Variants in DMD observed in about 807,000 individuals in gnomAD.
DMD encodes the protein dystrophin.
Under a neutral mutation model 330.1 loss-of-function variants are expected in DMD, and 63 were observed. The ratio of observed to expected loss-of-function variants is 0.19; its 90% CI spans 0.16 to 0.24. The LOEUF (loss-of-function observed/expected upper bound fraction) is 0.24, where lower values mean the gene tolerates loss of function less well. Ranked by LOEUF, DMD falls within the 10% of genes least tolerant of loss-of-function variation. DMD has a pLI of 1.00. For synonymous variants in DMD, 1,223 were observed against 959.8 expected (o/e 1.27, Z -5.07); for missense variants, 3,344 against 2,684.1 (o/e 1.25, Z -5.43).
At chrX:31,738,536 A>C (rs1348334081) in intron 51 of DMD, among the ~76,000 whole-genome samples, 1 of 112,339 alleles carries the variant, frequency 8.9e-6, no homozygotes, top group Non-Finnish European at 1.9e-5. Context: ...AAAAACTAAA[A>C]ATAGAGCTAC....
intron 30 of DMD, among the ~76,000 whole-genome samples, chrX:32,401,243 A>T (rs1388075866): frequency 9.2e-6 from 1 of 108,753 alleles, no homozygotes; most frequent in African/African-American, 3.4e-5. Flanking sequence ...ATGACGAGTT[A>T]GTGGGTGCAG....
chrX:31,757,510 G>T (rs2089214068), intron 51 of DMD, among the ~76,000 whole-genome samples: 1 of 111,414 alleles, frequency 9.0e-6, no homozygotes, highest in South Asian at 3.8e-4. Context: ...AGAATTTATT[G>T]CTTATAGTTC....
chrX:31,861,634 T>C (rs2093700300), intron 48 of DMD, among the ~76,000 whole-genome samples: 1 of 67,355 alleles, frequency 1.5e-5, no homozygotes. Context: ...CAGAAAATAA[T>C]CACCTGTGTG....
chrX:32,101,972 G>A (rs991537984), intron 44 of DMD: 2 of 110,205 alleles, frequency 1.8e-5, no homozygotes. Context: ...AGAGAGACAT[G>A]AACACATTAG....
intron 41 of DMD, among the ~76,000 whole-genome samples, chrX:32,335,404 C>CAT (rs1193332733): frequency 3.9e-5 from 4 of 102,912 alleles, no homozygotes; most frequent in South Asian, 4.1e-4. Flanking sequence ...ATATATATAA[C>CAT]ATATATATAT....
chrX:32,945,908 T>A (rs2090773812), intron 2 of DMD, among the ~76,000 whole-genome samples: 1 of 111,604 alleles, frequency 9.0e-6, no homozygotes, highest in African/African-American at 3.2e-5. Flanking sequence ...AAATCTGCTA[T>A]GTTTTATAAG....
chrX:31,996,469 C>A (rs954120727), intron 44 of DMD, among the ~76,000 whole-genome samples: 3 of 111,654 alleles, frequency 2.7e-5, no homozygotes, highest in African/African-American at 9.8e-5. Flanking sequence ...ATGTTACACC[C>A]TTCCTAAGTT....
chrX:33,124,501 AAAAAAAAAAC>A (rs2095448427), intron 1 of DMD, among the ~76,000 whole-genome samples: 1 of 105,576 alleles, frequency 9.5e-6, no homozygotes, highest in African/African-American at 3.5e-5. Flanking sequence ...AAAAAAAAAA[AAAAAAAAAAC>A]CGAAAGAAAT....
At chrX:31,496,991 A>G in intron 56 of DMD, 47 bp from the exon 57 acceptor site, 2 of 1,152,304 alleles carry the variant, frequency 1.7e-6, no homozygotes, top group South Asian at 3.8e-5. Flanking sequence ...TAGAAGTGTA[A>G]TTGATGATTC....
At chrX:31,397,666 G>A (rs1484942139) in intron 60 of DMD, among the ~76,000 whole-genome samples, 2 of 112,408 alleles carry the variant, frequency 1.8e-5, no homozygotes, top group Non-Finnish European at 3.7e-5. Flanking sequence ...TATCTGCAAC[G>A]ATATGGGATG....
chrX:33,241,028 T>G (rs1386110966), intron 1 of DMD, among the ~76,000 whole-genome samples: 2 of 112,170 alleles, frequency 1.8e-5, no homozygotes, highest in African/African-American at 6.5e-5. Context: ...ACTCTGTTGA[T>G]TCTTTCCTTT....
intron 1 of DMD, among the ~76,000 whole-genome samples, chrX:33,129,325 CTTTTTTTTTTTTTTTTTT>C (rs58505662): frequency 3.3e-5 from 1 of 30,715 alleles, no homozygotes; most frequent in African/African-American, 1.4e-4. Flanking sequence ...TTAAGGTTTG[CTTTTTTTTTTTTTTTTTT>C]TTTTTTTTTT....
At position 32,389,494 on chromosome X, in the gene DMD, T is replaced by A; in HGVS notation, c.4518+7A>T. 1 of 1,210,813 alleles carries A rather than the reference T, an allele frequency of 8.3e-7. No homozygotes were observed. Among genetic ancestry groups the A allele is most frequent in the Non-Finnish European group, 1.1e-6 (1 of 894,688 alleles). On this transcript the variant is annotated splice_region_variant and intron_variant, in intron 32 of 78. Transcript: ENST00000357033. ...GTACCTGCGTATTTGCCACCAGAAA[T>A]ACATACCACACAATGATTTAGCTGT...
At chrX:32,335,843 TATAAC>T (rs1043054055) in intron 41 of DMD, among the ~76,000 whole-genome samples, 2 of 101,479 alleles carry the variant, frequency 2.0e-5, no homozygotes, top group East Asian at 3.7e-4. Context: ...AACGTGCATA[TATAAC>T]ATGTTATATT....
At chrX:32,789,541 G>T (rs1185827014) in intron 7 of DMD, among the ~76,000 whole-genome samples, 2 of 112,006 alleles carry the variant, frequency 1.8e-5, no homozygotes, top group Non-Finnish European at 3.8e-5. Flanking sequence ...TTGCCATAAA[G>T]CTTCCCCAAC....
chrX:31,352,720 C>T (rs2058493388), intron 60 of DMD, among the ~76,000 whole-genome samples: 1 of 112,097 alleles, frequency 8.9e-6, no homozygotes, highest in Non-Finnish European at 1.9e-5. Flanking sequence ...TTTCTTTCCA[C>T]AAATTATCAC....
At chrX:32,698,992 G>C in intron 8 of DMD, 120 bp downstream of exon 8, 3 of 626,388 alleles carry the variant, frequency 4.8e-6, no homozygotes, top group Non-Finnish European at 7.6e-6. Flanking sequence ...ACATACATTA[G>C]GCTTTGTATA....
At position 32,343,157 on chromosome X, in the gene DMD, G is replaced by T; in HGVS notation, c.5716C>A (p.Pro1906Thr). 8.3e-7 allele frequency: 1 copy of T among 1,209,999 alleles called. No homozygotes were observed. Among genetic ancestry groups the T allele is most frequent in the East Asian group, 3.0e-5 (1 of 33,766 alleles). ...IEKKLASLPE[P>T]RDERKIKEID... Reference sequence around the variant, plus strand: ...ACCTTTATTTTCCTTTCATCTCTGGGCTCAGGTAGGCTGGCTAATTTTTTT... The same window carrying T: ...ACCTTTATTTTCCTTTCATCTCTGGTCTCAGGTAGGCTGGCTAATTTTTTT... The change falls in exon 40 of 79, where the codon CCC becomes ACC. Residue 1906 changes from proline to threonine, a missense_variant. Physicochemically the swap from Pro to Thr is conservative, Grantham distance 38. Transcript: ENST00000357033.
intron 50 of DMD, among the ~76,000 whole-genome samples, chrX:31,799,205 C>A (rs755261022): frequency 1.8e-5 from 2 of 112,106 alleles, no homozygotes; most frequent in Admixed American, 1.9e-4. Context: ...CAATGAAAAT[C>A]GACAAGAGGG....
Sources: allele counts gnomAD v4.1 joint callset (sites outside exome capture counted in the v4.1 genomes callset), GRCh38; gene constraint gnomAD v4.1.1; transcripts MANE v1.5; gene names NCBI Gene and HGNC (gene_info 2026-07-23, HGNC 2026-07-21).